EPB41L4A: variants seen among roughly 807,000 people sequenced by gnomAD.
EPB41L4A encodes the protein erythrocyte membrane protein band 4.1 like 4A.
In EPB41L4A, 100 loss-of-function variants were observed where a neutral mutation model predicts 108.6. The ratio of observed to expected loss-of-function variants is 0.92; its 90% CI spans 0.78 to 1.09. The LOEUF (loss-of-function observed/expected upper bound fraction) is 1.09. EPB41L4A is among the 50% of genes least tolerant of loss of function. EPB41L4A has a pLI of 0.00. For synonymous variants in EPB41L4A, 319 were observed against 289.0 expected (o/e 1.10, Z -1.05); for missense variants, 1,030 against 842.7 (o/e 1.22, Z -2.75).
intron 1 of EPB41L4A, among the ~76,000 whole-genome samples, chr5:112,379,983 AT>A (rs1760059228): frequency 6.6e-6 from 1 of 152,228 alleles, no homozygotes; most frequent in South Asian, 2.1e-4. Flanking sequence ...TCTCTATTTT[AT>A]TATCTGAGGT....
intron 9 of EPB41L4A, among the ~76,000 whole-genome samples, chr5:112,245,432 C>A (rs1403039025): frequency 6.6e-6 from 1 of 152,144 alleles, no homozygotes; most frequent in African/African-American, 2.4e-5. Flanking sequence ...CCAAGTCCAA[C>A]TTGAATGATG....
chr5:112,349,521 G>C (rs540470955), intron 1 of EPB41L4A, among the ~76,000 whole-genome samples: 2 of 152,212 alleles, frequency 1.3e-5, no homozygotes, highest in African/African-American at 4.8e-5. Flanking sequence ...GACAAACAGA[G>C]AGCTGCCTAA....
At position 112,171,626 on chromosome 5, in the gene EPB41L4A, A is replaced by G. The variant is rs72663313; in HGVS notation, c.1623-634T>C. On this transcript the variant is annotated intron_variant, in intron 18 of 22. Transcript: ENST00000261486. The stretch of plus-strand genomic sequence containing the variant: ...AAATCTTTTCTCCAAGAAGTATGTG[A>G]GCAGATATTATACCACTATCTTTAA... Among the ~76,000 whole-genome samples the G allele has an allele frequency of 5.8e-3, 884 of 152,344 alleles. 32 individuals carry two copies. The East Asian group carries it at 0.11, about 18-fold the overall frequency.
chr5:112,341,753 AACACACACACAC>A (rs5870494), intron 1 of EPB41L4A, among the ~76,000 whole-genome samples: 1 of 149,362 alleles, frequency 6.7e-6, no homozygotes, highest in East Asian at 2.0e-4. Flanking sequence ...CACTATTTAA[AACACACACACAC>A]ACACACACAC....
chr5:112,274,165 A>G (rs191299017), intron 4 of EPB41L4A, among the ~76,000 whole-genome samples: 11 of 152,110 alleles, frequency 7.2e-5, no homozygotes, highest in Admixed American at 2.0e-4. Flanking sequence ...CTGTAGTCCC[A>G]GCTACTCCTG....
intron 8 of EPB41L4A, 145 bp from the exon 9 acceptor site, chr5:112,259,437 T>C (rs1167856079): frequency 4.5e-6 from 3 of 663,680 alleles, no homozygotes; most frequent in African/African-American, 3.6e-5. Flanking sequence ...GACAGAGAGA[T>C]TTCCCCATAC....
chr5:112,257,954 T>C (rs955711966), intron 9 of EPB41L4A, among the ~76,000 whole-genome samples: 4 of 152,200 alleles, frequency 2.6e-5, no homozygotes, highest in African/African-American at 7.2e-5. Flanking sequence ...TGCACATCTT[T>C]TAAAATTGAG....
In EPB41L4A at chr5:112,165,069, G is replaced by C; in HGVS notation, c.1982C>G (p.Ser661Cys). The change falls in exon 23 of 23, where the codon TCT becomes TGT. Residue 661 changes from serine (S) to cysteine (C), a missense_variant. By Grantham distance (112) the Ser-to-Cys change is moderately radical. Coordinates refer to ENST00000261486, the MANE Select transcript of EPB41L4A (RefSeq NM_022140.5). ...DSLMEEKPQTSTNNLAGKHTA... is the reference protein window; with the variant it reads ...DSLMEEKPQTCTNNLAGKHTA... Reference sequence around the variant, plus strand: ...GTGTTTTCCAGCCAGGTTGTTTGTAGATGTCTGAGGTTTTTCTTCCATCAG... The same window carrying C: ...GTGTTTTCCAGCCAGGTTGTTTGTACATGTCTGAGGTTTTTCTTCCATCAG... 2 of 1,613,530 alleles carry C rather than the reference G, an allele frequency of 1.2e-6. No homozygotes were observed. Among genetic ancestry groups the C allele is most frequent in the South Asian group, 1.1e-5 (1 of 91,058 alleles).
Position 112,334,041 on chromosome 5 carries a change from G to A in EPB41L4A, c.100-26551C>T, listed in dbSNP as rs117402500. ...TCAGGCCATGATGGGAACGGGTTGCGGGGTGAGGGCAGTCAGACAGTCAGA... is the reference window on the plus strand; with the variant it reads ...TCAGGCCATGATGGGAACGGGTTGCAGGGTGAGGGCAGTCAGACAGTCAGA... On this transcript the variant is annotated intron_variant, in intron 1 of 22. Coordinates refer to ENST00000261486, the MANE Select transcript of EPB41L4A (RefSeq NM_022140.5). 7.4e-4 allele frequency among the ~76,000 whole-genome samples: 113 copies of A among 152,252 alleles called. 2 individuals are homozygous for A. In the East Asian group the frequency reaches 0.02, roughly 27 times the overall value.
In EPB41L4A at chr5:112,283,002, T is replaced by C. The variant is rs192670025; in HGVS notation, c.205-2679A>G. ...ATAGGAAGAAAAAATTTTAACTACA[T>C]ATAATGGGAAAAACTGGTTAATCTA... On this transcript the variant is annotated intron_variant, in intron 2 of 22. Coordinates refer to ENST00000261486, the MANE Select transcript of EPB41L4A (RefSeq NM_022140.5). Among the ~76,000 whole-genome samples, 189 of 152,272 alleles carry C rather than the reference T, an allele frequency of 1.2e-3. 1 individual carries two copies. The highest frequency in any genetic ancestry group is 4.3e-3 in the African/African-American group (179 of 41,560).
chr5:112,345,747 C>A (rs1267459803), intron 1 of EPB41L4A, among the ~76,000 whole-genome samples: 1 of 147,068 alleles, frequency 6.8e-6, no homozygotes, highest in Non-Finnish European at 1.5e-5. Flanking sequence ...CACAATGCTA[C>A]AGGATGCATA....
intron 1 of EPB41L4A, among the ~76,000 whole-genome samples, chr5:112,400,106 G>A (rs1761640836): frequency 6.6e-6 from 1 of 152,154 alleles, no homozygotes; most frequent in Admixed American, 6.5e-5. Flanking sequence ...ACATGGCTGG[G>A]GAGACCTCAG....
chr5:112,283,741 T>G (rs1411083165), intron 2 of EPB41L4A, among the ~76,000 whole-genome samples: 1 of 152,184 alleles, frequency 6.6e-6, no homozygotes, highest in African/African-American at 2.4e-5. Context: ...CAAAGTTGAA[T>G]GAGACCCGTG....
At chr5:112,234,599 G>A in intron 12 of EPB41L4A, 35 bp downstream of exon 12, 1 of 1,605,530 alleles carries the variant, frequency 6.2e-7, no homozygotes, top group Non-Finnish European at 8.5e-7. Flanking sequence ...AGGAAAACAA[G>A]GTTACATAGA....
At chr5:112,234,605 A>G (rs749306158) in intron 12 of EPB41L4A, 29 bp downstream of exon 12, 1 of 1,608,746 alleles carries the variant, frequency 6.2e-7, no homozygotes, top group Non-Finnish European at 8.5e-7. Context: ...ACAAGGTTAC[A>G]TAGATAACTC....
chr5:112,260,583 T>A (rs1751427937), intron 7 of EPB41L4A, among the ~76,000 whole-genome samples: 1 of 152,184 alleles, frequency 6.6e-6, no homozygotes, highest in Non-Finnish European at 1.5e-5. Flanking sequence ...TTTTTTGAAG[T>A]CTCTATCATG....
intron 12 of EPB41L4A, chr5:112,228,673 G>T: frequency 1.0e-6 from 1 of 981,790 alleles, no homozygotes; most frequent in Non-Finnish European, 1.2e-6. Flanking sequence ...CCTACTTACA[G>T]CAGAGACGAT....
intron 18 of EPB41L4A, among the ~76,000 whole-genome samples, chr5:112,179,897 G>A (rs778818838): frequency 7.9e-5 from 12 of 152,054 alleles, no homozygotes; most frequent in South Asian, 2.1e-4. Flanking sequence ...GATTGTAACC[G>A]CAGAAAATCG....
At chr5:112,341,398 T>C (rs747913257) in intron 1 of EPB41L4A, among the ~76,000 whole-genome samples, 2 of 152,196 alleles carry the variant, frequency 1.3e-5, no homozygotes, top group African/African-American at 4.8e-5. Context: ...TGTGTATGTA[T>C]TGTATTCGGT....
Sources: gnomAD v4.1 joint callset for allele counts (sites outside exome capture counted in the v4.1 genomes callset) on GRCh38, gnomAD v4.1.1 for gene constraint, MANE v1.5 for transcripts, NCBI Gene and HGNC (gene_info 2026-07-23, HGNC 2026-07-21) for gene names.